The following ESCO2 variants were observed in gnomAD, a reference collection of about 807,000 sequenced individuals.
ESCO2 encodes the protein establishment of sister chromatid cohesion N-acetyltransferase 2.
In ESCO2, 51 loss-of-function variants were observed where a neutral mutation model predicts 61.7. The ratio of observed to expected loss-of-function variants is 0.83; its 90% CI spans 0.66 to 1.04. The LOEUF (loss-of-function observed/expected upper bound fraction) is 1.04, where lower values mean the gene tolerates loss of function less well. ESCO2 is among the 50% of genes least tolerant of loss of function. The pLI is 0.00. For synonymous variants in ESCO2, 230 were observed against 238.2 expected, an observed-to-expected ratio of 0.97 and a Z score of 0.32; for missense variants, 692 against 686.2, an observed-to-expected ratio of 1.01 and a Z score of -0.09.
At chr8:27,808,165 T>C (rs1336376357), downstream of ESCO2, 7 of 1,054,688 alleles carry the variant, frequency 6.6e-6, no homozygotes, top group Non-Finnish European at 8.6e-6. Context: ...TAGTTTAAAA[T>C]CCTTTCTAAT....
chr8:27,802,203 A>AT (rs1345590891), intron 10 of ESCO2, among the ~76,000 whole-genome samples: 1 of 150,586 alleles, frequency 6.6e-6, no homozygotes, highest in Non-Finnish European at 1.5e-5. Context: ...CCATTTCCTT[A>AT]TTACTTTTAA....
chr8:27,774,849 C>G (rs1012653423), intron 1 of ESCO2: 1 of 152,262 alleles, frequency 6.6e-6, no homozygotes. Flanking sequence ...TGTTTGTTTC[C>G]CTGACCGGGT....
chr8:27,792,870 G>T, intron 9 of ESCO2, 59 bp downstream of exon 9: 1 of 1,515,866 alleles, frequency 6.6e-7, no homozygotes, highest in Non-Finnish European at 8.8e-7. Context: ...AAGAAAAGTT[G>T]GGAGAAGTCT....
At chr8:27,817,495 T>TCC (rs1325025295), downstream of ESCO2, among the ~76,000 whole-genome samples, 1 of 152,120 alleles carries the variant, frequency 6.6e-6, no homozygotes, top group African/African-American at 2.4e-5. Flanking sequence ...TTTATTAGGA[T>TCC]TATTAACTGT....
At chr8:27,773,485 G>T (rs1804703246), upstream of ESCO2, among the ~76,000 whole-genome samples, 1 of 149,668 alleles carries the variant, frequency 6.7e-6, no homozygotes, top group Non-Finnish European at 1.5e-5. Context: ...GGGGAGGGGG[G>T]TTGGAATCTT....
chr8:27,777,373 C>G (rs572484553), intron 3 of ESCO2: 1 of 429,562 alleles, frequency 2.3e-6, no homozygotes, highest in African/African-American at 2.1e-5. Context: ...TGGCACACTG[C>G]TCACTACAGC....
intron 5 of ESCO2, among the ~76,000 whole-genome samples, chr8:27,785,484 C>A (rs1201101434): frequency 1.3e-5 from 2 of 152,068 alleles, no homozygotes; most frequent in African/African-American, 4.8e-5. Context: ...GGTGGATCAC[C>A]TGAGGTCTGG....
At chr8:27,772,671 G>T, upstream of ESCO2, 1 of 818,880 alleles carries the variant, frequency 1.2e-6, no homozygotes. Context: ...ACGTCGGGGC[G>T]CGTCATAACG....
At chr8:27,787,073 T>G (rs1487785010) in intron 5 of ESCO2, among the ~76,000 whole-genome samples, 1 of 152,112 alleles carries the variant, frequency 6.6e-6, no homozygotes, top group African/African-American at 2.4e-5. Context: ...GATTCTTTGA[T>G]GGAGTAGAGG....
At chr8:27,818,230 A>G in the ESCO2 span, among the ~76,000 whole-genome samples, 63,387 of 152,122 alleles carry the variant, frequency 0.42, 13,578 homozygotes, top group East Asian at 0.62. Flanking sequence ...AGCAAAACCT[A>G]TTCTAACCTC....
chr8:27,799,906 A>G (rs1195500731), intron 10 of ESCO2, among the ~76,000 whole-genome samples, 190 bp downstream of exon 10: 2 of 150,816 alleles, frequency 1.3e-5, no homozygotes, highest in Non-Finnish European at 3.0e-5. Context: ...GCAACATTCC[A>G]GGTCTGAAAC....
rs528112335 is a variant in ESCO2 at position 27,803,386 on chromosome 8, C to T, written c.1754C>T (p.Ala585Val). Reference protein sequence around the residue: ...SDPTPDGKLFATKYCNTPNFL... With the variant: ...SDPTPDGKLFVTKYCNTPNFL... ...CCAACACCAGATGGCAAGTTATTTG[C>T]AACCAAGTACTGCAACACCCCTAAT... is the stretch of plus-strand genomic sequence containing the variant. Residue 585 changes from alanine (A) to valine (V), a missense_variant, in exon 11 of 11, where the codon GCA becomes GTA. Physicochemically the swap from Ala to Val is moderately conservative, Grantham distance 64. Coordinates refer to ENST00000305188, the MANE Select transcript of ESCO2 (RefSeq NM_001017420.3). 6.2e-7 allele frequency: 1 copy of T among 1,613,938 alleles called. No individual in the cohort carries two copies. The highest frequency in any genetic ancestry group is 1.3e-5 in the African/African-American group (1 of 75,004).
At chr8:27,792,877 G>T (rs112470511) in intron 9 of ESCO2, 66 bp downstream of exon 9, 1 of 1,492,330 alleles carries the variant, frequency 6.7e-7, no homozygotes, top group African/African-American at 1.4e-5. Flanking sequence ...GTTGGGAGAA[G>T]TCTCAGCATT....
Position 27,804,698 on chromosome 8 carries a change from G to C in ESCO2, c.*1260G>C. The C allele has an allele frequency of 1.0e-6, 1 of 985,284 alleles. No homozygotes were observed. 61.0% of individuals were successfully genotyped at this position (985,284 alleles called of 1,614,324 possible). ...CTATTCATCTGCATTCATTTTATTT[G>C]CCTGTAAGTTAACATGTTTCCAAAA... is the stretch of plus-strand genomic sequence containing the variant. On this transcript the variant is annotated 3_prime_UTR_variant, in exon 11 of 11. Coordinates refer to ENST00000305188, the MANE Select transcript of ESCO2 (RefSeq NM_001017420.3).
Position 27,776,507 on chromosome 8 carries a change from A to G in ESCO2, c.199A>G (p.Arg67Gly), listed in dbSNP as rs1203218869. 3.1e-6 allele frequency: 5 copies of G among 1,613,842 alleles called. No individual in the cohort carries two copies. The highest frequency in any genetic ancestry group is 4.2e-6 in the Non-Finnish European group (5 of 1,179,990). Residue 67 changes from arginine (R) to glycine (G), a missense_variant, in exon 3 of 11, where the codon AGA becomes GGA. By Grantham distance (125) the Arg-to-Gly change is moderately radical. Coordinates refer to ENST00000305188, the MANE Select transcript of ESCO2 (RefSeq NM_001017420.3). Reference protein sequence around the residue: ...LSALKTTEINRLPSANQGSPF... With the variant: ...LSALKTTEINGLPSANQGSPF... The stretch of plus-strand genomic sequence containing the variant: ...TGCGCTCAAAACAACTGAAATAAAT[A>G]GACTGCCATCAGCAAATCAAGGCTC...
At chr8:27,799,838 C>A in intron 10 of ESCO2, 122 bp downstream of exon 10, 3 of 1,197,558 alleles carry the variant, frequency 2.5e-6, no homozygotes, top group East Asian at 4.8e-5. Context: ...CTATTAAAGT[C>A]AGGCTAAGGA....
At chr8:27,777,307 A>G (rs1563469384) in intron 3 of ESCO2, 138 bp downstream of exon 3, 5 of 748,546 alleles carry the variant, frequency 6.7e-6, no homozygotes, top group South Asian at 2.0e-5. Flanking sequence ...TAAGGAGTTT[A>G]TTTATTTATT....
chr8:27,797,081 C>T (rs188865527), intron 9 of ESCO2, among the ~76,000 whole-genome samples: 57 of 152,142 alleles, frequency 3.7e-4, no homozygotes, highest in Admixed American at 3.5e-3. Context: ...CAGTGCACTC[C>T]GCTCAGGGCA....
downstream of ESCO2, among the ~76,000 whole-genome samples, chr8:27,808,983 G>C (rs1008905203): frequency 2.0e-5 from 3 of 152,124 alleles, 1 homozygote; most frequent in African/African-American, 7.2e-5. Context: ...TATCTCAACT[G>C]TAGGAAGTGG....
Sources: allele counts gnomAD v4.1 joint callset (sites outside exome capture counted in the v4.1 genomes callset), GRCh38; gene constraint gnomAD v4.1.1; transcripts MANE v1.5; gene names NCBI Gene and HGNC (gene_info 2026-07-23, HGNC 2026-07-21).